The following LRMDA variants were observed in gnomAD, a reference collection of about 807,000 sequenced individuals.
LRMDA encodes the protein leucine-rich melanocyte differentiation-associated protein.
In LRMDA, 18 loss-of-function variants were observed where a neutral mutation model predicts 29.8. The ratio of observed to expected loss-of-function variants is 0.60; its 90% CI spans 0.42 to 0.90. LRMDA has a LOEUF of 0.90. Ranked by LOEUF, LRMDA falls within the 40% of genes least tolerant of loss-of-function variation. The pLI, the probability that LRMDA is intolerant of heterozygous loss-of-function variation, is 0.00. For missense variants in LRMDA, 273 were observed against 273.9 expected, an observed-to-expected ratio of 1.00 and a Z score of 0.02; for synonymous variants, 125 against 109.4, an observed-to-expected ratio of 1.14 and a Z score of -0.89.
At chr10:76,229,282 G>A (rs548812379) in intron 5 of LRMDA, among the ~76,000 whole-genome samples, 1 of 152,318 alleles carries the variant, frequency 6.6e-6, no homozygotes, top group Admixed American at 6.5e-5. Context: ...GAGACAGAGT[G>A]CCCAATAACC....
At chr10:76,290,747 G>A (rs999796950) in intron 5 of LRMDA, among the ~76,000 whole-genome samples, 2 of 152,114 alleles carry the variant, frequency 1.3e-5, no homozygotes, top group Non-Finnish European at 2.9e-5. Context: ...AATGGTGGTG[G>A]TTAGGTGGAC....
rs1280770310 is a variant in LRMDA at position 76,500,028 on chromosome 10, C to T, written c.602-57181C>T. 4.0e-5 allele frequency among the ~76,000 whole-genome samples: 3 copies of T among 74,588 alleles called. 1 individual carries two copies. The highest frequency in any genetic ancestry group is 1.3e-4 in the Non-Finnish European group (3 of 22,500). 48.9% of individuals were successfully genotyped at this position (74,588 alleles called of 152,430 possible). The stretch of plus-strand genomic sequence containing the variant: ...AGGACTACAGGCATGTGATACTGTA[C>T]CTGGCTAATATTTAAGATTTTTTTG... On this transcript the variant is annotated intron_variant, in intron 6 of 6. Transcript: ENST00000611255.
At chr10:75,437,363 T>G (rs914093198) in intron 1 of LRMDA, among the ~76,000 whole-genome samples, 95 of 152,224 alleles carry the variant, frequency 6.2e-4, no homozygotes, top group African/African-American at 2.1e-3. Flanking sequence ...TCTTTGTCTA[T>G]ATGTGTGGAA....
chr10:75,560,026 G>A (rs1324889371), intron 2 of LRMDA, among the ~76,000 whole-genome samples: 1 of 150,852 alleles, frequency 6.6e-6, no homozygotes, highest in Non-Finnish European at 1.5e-5. Context: ...GCTCTTTTTT[G>A]GTTCCATATG....
At chr10:75,972,986 G>A (rs914509906) in intron 2 of LRMDA, among the ~76,000 whole-genome samples, 1 of 150,254 alleles carries the variant, frequency 6.7e-6, no homozygotes, top group Non-Finnish European at 1.5e-5. Context: ...GACTATATTG[G>A]GAGTAAGTCC....
At chr10:75,700,474 C>T (rs537421320) in intron 2 of LRMDA, among the ~76,000 whole-genome samples, 2 of 143,690 alleles carry the variant, frequency 1.4e-5, no homozygotes, top group East Asian at 4.0e-4. Flanking sequence ...CTCGCTCTGT[C>T]GCCTAGGCTG....
chr10:76,346,158 A>G (rs1841106273), intron 6 of LRMDA, among the ~76,000 whole-genome samples: 1 of 152,216 alleles, frequency 6.6e-6, no homozygotes, highest in South Asian at 2.1e-4. Context: ...GAAAGTGTAG[A>G]CACAAAACTC....
At chr10:76,238,276 C>T (rs781323233) in intron 5 of LRMDA, among the ~76,000 whole-genome samples, 53 of 152,088 alleles carry the variant, frequency 3.5e-4, no homozygotes, top group Non-Finnish European at 6.6e-4. Context: ...TTAGCTATGT[C>T]CTCACAGCCT....
intron 2 of LRMDA, among the ~76,000 whole-genome samples, chr10:75,548,369 G>A (rs1840103606): frequency 6.6e-6 from 1 of 152,174 alleles, no homozygotes; most frequent in Admixed American, 6.6e-5. Flanking sequence ...TATGCTAGAA[G>A]GCCACTCTGT....
intron 2 of LRMDA, among the ~76,000 whole-genome samples, chr10:75,566,826 C>G (rs1015079455): frequency 6.6e-6 from 1 of 152,174 alleles, no homozygotes; most frequent in African/African-American, 2.4e-5. Context: ...GGCTGTCCTT[C>G]TGGAACCTCA....
chr10:76,024,879 C>T (rs1251556914), intron 2 of LRMDA, among the ~76,000 whole-genome samples: 4 of 152,240 alleles, frequency 2.6e-5, no homozygotes, highest in Non-Finnish European at 4.4e-5. Flanking sequence ...TGAAGAGCAG[C>T]GTTCTTGGCC....
intron 2 of LRMDA, among the ~76,000 whole-genome samples, chr10:75,572,495 T>C (rs1421152701): frequency 3.9e-5 from 6 of 152,232 alleles, no homozygotes; most frequent in African/African-American, 1.4e-4. Flanking sequence ...GTGACTATTT[T>C]ACCAATTCAG....
At chr10:75,530,087 C>T (rs912133965) in intron 2 of LRMDA, among the ~76,000 whole-genome samples, 6 of 151,636 alleles carry the variant, frequency 4.0e-5, no homozygotes, top group African/African-American at 7.3e-5. Flanking sequence ...TAGGTAGTTA[C>T]ATATTTATTT....
intron 5 of LRMDA, among the ~76,000 whole-genome samples, chr10:76,125,249 G>C (rs1039243947): frequency 6.6e-6 from 1 of 152,176 alleles, no homozygotes; most frequent in Non-Finnish European, 1.5e-5. Flanking sequence ...TTTCTGCAGG[G>C]GTGGAGGGCT....
intron 2 of LRMDA, among the ~76,000 whole-genome samples, chr10:75,582,422 G>T (rs1840605812): frequency 1.3e-5 from 2 of 152,224 alleles, no homozygotes; most frequent in Non-Finnish European, 1.5e-5. Context: ...ATGGCTTGCG[G>T]CCTCTGAAGC....
chr10:76,151,213 G>A (rs1405760431), intron 5 of LRMDA, among the ~76,000 whole-genome samples: 1 of 152,150 alleles, frequency 6.6e-6, no homozygotes, highest in Non-Finnish European at 1.5e-5. Context: ...CCTCCAGTAG[G>A]ATCCTGATTT....
At position 75,706,035 on chromosome 10, in the gene LRMDA, T is replaced by C. The variant is rs573928541; in HGVS notation, c.131+267541T>C. ...ATTCCTTTTTCTGGAGGCATAACGC[T>C]GTATAGGTAAAATGACAGCCAAGTG... On this transcript the variant is annotated intron_variant, in intron 2 of 6. Transcript: ENST00000611255. Among the ~76,000 whole-genome samples the C allele has an allele frequency of 8.5e-5, 13 of 152,316 alleles. No homozygotes were observed. In the East Asian group the frequency reaches 2.5e-3, roughly 29 times the overall value.
chr10:76,276,055 C>A (rs540904013), intron 5 of LRMDA, among the ~76,000 whole-genome samples: 64 of 128,938 alleles, frequency 5.0e-4, no homozygotes, highest in African/African-American at 1.1e-3. Flanking sequence ...CTATCTATCT[C>A]TTTCTTTCTC....
Position 76,477,405 on chromosome 10 carries a change from G to A in LRMDA, c.602-79804G>A, listed in dbSNP as rs542666154. 9.1e-3 allele frequency among the ~76,000 whole-genome samples: 1,380 copies of A among 151,924 alleles called. 17 individuals carry two copies. Among genetic ancestry groups the A allele is most frequent in the African/African-American group, 0.032 (1,324 of 41,398 alleles). On this transcript the variant is annotated intron_variant, in intron 6 of 6. Coordinates refer to ENST00000611255, the MANE Select transcript of LRMDA (RefSeq NM_001305581.2). ...CACTGCTCAACAAAATAAAAGAGGA[G>A]ACAAACAAATGGAAGAATATTCCAT...
Sources: allele counts gnomAD v4.1 joint callset (sites outside exome capture counted in the v4.1 genomes callset), GRCh38; gene constraint gnomAD v4.1.1; transcripts MANE v1.5; gene names NCBI Gene and HGNC (gene_info 2026-07-23, HGNC 2026-07-21).